PCDHGB2: variants seen among roughly 807,000 people sequenced by gnomAD.
PCDHGB2 encodes the protein protocadherin gamma-B2.
PCDHGB2 carries 55 observed loss-of-function variants against 59.3 expected under a neutral mutation model. That is an observed-to-expected ratio of 0.93 (90% CI 0.75 to 1.16). The LOEUF (loss-of-function observed/expected upper bound fraction) is 1.16. Ranked by LOEUF, PCDHGB2 falls within the 50% of genes most tolerant of loss-of-function variation. The pLI, the probability that PCDHGB2 is intolerant of heterozygous loss-of-function variation, is 0.00. For missense variants in PCDHGB2, 1,228 were observed against 1,198.5 expected, an observed-to-expected ratio of 1.02 and a Z score of -0.36; for synonymous variants, 516 against 512.0, an observed-to-expected ratio of 1.01 and a Z score of -0.11.
intron 1 of PCDHGB2, among the ~76,000 whole-genome samples, chr5:141,380,845 A>G (rs1215311097): frequency 6.6e-6 from 1 of 152,272 alleles, no homozygotes; most frequent in Admixed American, 6.5e-5. Context: ...GTAAAAATGG[A>G]TCAAGACATT....
In PCDHGB2 at chr5:141,360,961, G is replaced by A. The variant is rs1761819904; in HGVS notation, c.826G>A (p.Glu276Lys). 2 of 1,613,940 alleles carry A rather than the reference G, an allele frequency of 1.2e-6. No individual in the cohort carries two copies. Among genetic ancestry groups the A allele is most frequent in the Non-Finnish European group, 8.5e-7 (1 of 1,179,882 alleles). Residue 276 changes from glutamate to lysine, a missense_variant, in exon 1 of 4, where the codon GAG (glutamate) becomes AAG (lysine). Transcript: ENST00000522605. ...ATDRDEGINA[E>K]ITYSFHNVDE... ...CGACCGGGATGAAGGCATAAACGCA[G>A]AGATCACCTACTCCTTTCATAATGT... is the stretch of plus-strand genomic sequence containing the variant.
intron 1 of PCDHGB2, chr5:141,399,841 G>C: frequency 6.2e-7 from 1 of 1,613,086 alleles, no homozygotes; most frequent in Non-Finnish European, 8.5e-7. Context: ...TGCGCTCTTC[G>C]ATATGGTGCC....
At chr5:141,453,919 C>T (rs142719452) in intron 1 of PCDHGB2, among the ~76,000 whole-genome samples, 2 of 152,318 alleles carry the variant, frequency 1.3e-5, no homozygotes, top group African/African-American at 4.8e-5. Flanking sequence ...TGTCAGTGAT[C>T]AGTCACTGTG....
At chr5:141,428,466 A>G (rs1230267635) in intron 1 of PCDHGB2, 1 of 344,756 alleles carries the variant, frequency 2.9e-6, no homozygotes, top group Admixed American at 4.1e-5. Context: ...ACAATGAGGG[A>G]ACTTTGCTTT....
Position 141,432,617 on chromosome 5 carries a change from G to A in PCDHGB2, c.2422-62190G>A. The A allele has an allele frequency of 6.2e-7, 1 of 1,613,694 alleles. No individual in the cohort carries two copies. Among genetic ancestry groups the A allele is most frequent in the South Asian group, 1.1e-5 (1 of 91,044 alleles). On this transcript the variant is annotated intron_variant, in intron 1 of 3. Coordinates refer to ENST00000522605, the MANE Select transcript of PCDHGB2 (RefSeq NM_018923.3). This position sits in a 1 kb window ranked among gnomAD's most constrained non-coding sequence, Gnocchi z 6.0. ...CAGCGAGCCGGGACTCTTCTCGGTGGGTCTGCACACGGGCGAGGTGCGCAC... is the reference window on the plus strand; with the variant it reads ...CAGCGAGCCGGGACTCTTCTCGGTGAGTCTGCACACGGGCGAGGTGCGCAC...
intron 1 of PCDHGB2, chr5:141,422,717 T>A: frequency 6.2e-7 from 1 of 1,604,832 alleles, no homozygotes; most frequent in Non-Finnish European, 8.5e-7. Flanking sequence ...GATGACACTG[T>A]CCAGGGGGTG....
chr5:141,488,046 G>A (rs958459817), intron 1 of PCDHGB2, among the ~76,000 whole-genome samples: 1 of 152,182 alleles, frequency 6.6e-6, no homozygotes, highest in African/African-American at 2.4e-5. Flanking sequence ...CCAAGGGATT[G>A]AGGGGAAATA....
chr5:141,361,049 A>G lies in PCDHGB2; in HGVS notation c.914A>G (p.Asp305Gly), dbSNP rs1276582922. 2 of 1,613,746 alleles carry G rather than the reference A, an allele frequency of 1.2e-6. No individual in the cohort carries two copies. The highest frequency in any genetic ancestry group is 1.1e-5 in the South Asian group (1 of 91,042). ...NEKTGEITTK[D>G]DLDFEIASSY... ...AAAACAGGAGAAATCACGACAAAGGATGATTTGGATTTTGAGATTGCAAGT... is the reference window on the plus strand; with the variant it reads ...AAAACAGGAGAAATCACGACAAAGGGTGATTTGGATTTTGAGATTGCAAGT... Residue 305 changes from aspartate to glycine, a missense_variant, in exon 1 of 4, where the codon GAT (aspartate) becomes GGT (glycine). Asp to Gly is a moderately conservative substitution (Grantham distance 94). Coordinates refer to ENST00000522605, the MANE Select transcript of PCDHGB2 (RefSeq NM_018923.3).
At chr5:141,408,059 C>T in intron 1 of PCDHGB2, 1 of 1,317,324 alleles carries the variant, frequency 7.6e-7, no homozygotes, top group Non-Finnish European at 1.0e-6. Flanking sequence ...AGCCTCCCGG[C>T]TGCGCAGACC....
chr5:141,413,262 G>A (rs2095621152), intron 1 of PCDHGB2: 2 of 1,613,960 alleles, frequency 1.2e-6, no homozygotes, highest in South Asian at 1.1e-5. Context: ...TTCCATGGGA[G>A]GCTGGAGCCC....
intron 1 of PCDHGB2, chr5:141,414,886 C>T (rs374779316): frequency 1.4e-5 from 22 of 1,614,120 alleles, no homozygotes; most frequent in African/African-American, 2.7e-5. Context: ...GTACCCCGCC[C>T]TCCCCACAGA....
intron 1 of PCDHGB2, chr5:141,418,548 T>C: frequency 6.2e-7 from 1 of 1,613,964 alleles, no homozygotes; most frequent in Non-Finnish European, 8.5e-7. Flanking sequence ...CAGATAAGAA[T>C]CCTGGTAATA....
intron 1 of PCDHGB2, chr5:141,404,337 C>CG (rs1376523964): frequency 1.9e-6 from 3 of 1,613,784 alleles, no homozygotes; most frequent in Non-Finnish European, 2.5e-6. Context: ...GTCTACCTCC[C>CG]GGAAAACAAC....
chr5:141,390,002 T>A (rs1263938438), intron 1 of PCDHGB2: 1 of 1,614,038 alleles, frequency 6.2e-7, no homozygotes, highest in East Asian at 2.2e-5. Context: ...TGGCCATGAT[T>A]CTGGCCATTG....
In PCDHGB2 at chr5:141,492,378, C is replaced by T. The variant is rs144479033; in HGVS notation, c.2422-2429C>T. Among the ~76,000 whole-genome samples the T allele has an allele frequency of 1.7e-3, 262 of 152,360 alleles. 2 individuals are homozygous for T. The highest frequency in any genetic ancestry group is 3.0e-3 in the Non-Finnish European group (207 of 68,026). On this transcript the variant is annotated intron_variant, in intron 1 of 3. Coordinates refer to ENST00000522605, the MANE Select transcript of PCDHGB2 (RefSeq NM_018923.3). ...CTCGCTCGCGGCCAGATTCACAGGCCTGTTCCGGTCCACTCGCAGCTCCCC... is the reference window on the plus strand; with the variant it reads ...CTCGCTCGCGGCCAGATTCACAGGCTTGTTCCGGTCCACTCGCAGCTCCCC...
At chr5:141,394,852 C>T in intron 1 of PCDHGB2, 1 of 1,613,838 alleles carries the variant, frequency 6.2e-7, no homozygotes, top group Non-Finnish European at 8.5e-7. Flanking sequence ...AGTCTGAAGC[C>T]TTCGGTCGAC....
chr5:141,435,334 T>A (rs1223377462), intron 1 of PCDHGB2, among the ~76,000 whole-genome samples: 1 of 152,196 alleles, frequency 6.6e-6, no homozygotes, highest in African/African-American at 2.4e-5. Flanking sequence ...ATATAGTGAA[T>A]TTATTTCTTC....
intron 1 of PCDHGB2, among the ~76,000 whole-genome samples, chr5:141,461,004 T>C (rs2099006736): frequency 6.6e-6 from 1 of 151,664 alleles, no homozygotes; most frequent in Non-Finnish European, 1.5e-5. Context: ...TATGTGTATA[T>C]ATATATACCA....
intron 1 of PCDHGB2, chr5:141,402,790 A>T: frequency 2.1e-6 from 2 of 961,358 alleles, no homozygotes; most frequent in Non-Finnish European, 2.9e-6. Context: ...TTCTGCGGCT[A>T]CACAAAACCC....
Sources: gnomAD v4.1 joint callset for allele counts (sites outside exome capture counted in the v4.1 genomes callset) on GRCh38, gnomAD v4.1.1 for gene constraint, Gnocchi (gnomAD v3.1) non-coding constraint, MANE v1.5 for transcripts, NCBI Gene and HGNC (gene_info 2026-07-23, HGNC 2026-07-21) for gene names.